OR3A3: variants seen among roughly 807,000 people sequenced by gnomAD.
The protein encoded by OR3A3 is olfactory receptor 3A3.
For synonymous variants in OR3A3, 103 were observed against 163.9 expected, an observed-to-expected ratio of 0.63 and a Z score of 2.84; for missense variants, 275 against 391.4, an observed-to-expected ratio of 0.70 and a Z score of 2.51.
chr17:3,418,427 A>G (rs929931142), intron 2 of OR3A3, among the ~76,000 whole-genome samples: 17 of 152,166 alleles, frequency 1.1e-4, no homozygotes, highest in Non-Finnish European at 1.5e-4. Flanking sequence ...AACTGCTGAC[A>G]AGGCAGTTTT....
At chr17:3,423,941 A>G (rs995106590) in exon 3 of OR3A3, 2 of 132,208 alleles carry the variant, frequency 1.5e-5, no homozygotes, top group African/African-American at 5.7e-5. Context: ...GCGAAATGCC[A>G]TCTCAAAAAA....
intron 2 of OR3A3, among the ~76,000 whole-genome samples, chr17:3,417,350 T>A (rs1311053290): frequency 1.3e-5 from 2 of 152,168 alleles, no homozygotes; most frequent in African/African-American, 2.4e-5. Flanking sequence ...GTAAGACAAC[T>A]AAGGAAGTCA....
At chr17:3,416,105 C>T (rs1439941931) in intron 2 of OR3A3, among the ~76,000 whole-genome samples, 1 of 151,960 alleles carries the variant, frequency 6.6e-6, no homozygotes, top group Non-Finnish European at 1.5e-5. Flanking sequence ...AGCCACTGCA[C>T]CTGGCCTACT....
At chr17:3,420,486 G>A in intron 2 of OR3A3, 94 bp from the exon 3 acceptor site, 1 of 1,546,312 alleles carries the variant, frequency 6.5e-7, no homozygotes, top group Non-Finnish European at 8.7e-7. Context: ...GGATGGCCTG[G>A]GGACTCGCCA....
At chr17:3,422,824 A>G (rs952729067) in exon 3 of OR3A3, 2 of 152,440 alleles carry the variant, frequency 1.3e-5, no homozygotes, top group Admixed American at 1.3e-4. Context: ...TGAAGACAAG[A>G]TGTGAGAGTG....
At chr17:3,412,840 G>A (rs1255058988) in intron 2 of OR3A3, among the ~76,000 whole-genome samples, 1 of 152,154 alleles carries the variant, frequency 6.6e-6, no homozygotes, top group Non-Finnish European at 1.5e-5. Flanking sequence ...ACACAAAGGA[G>A]TCCCTGCCAC....
At chr17:3,415,557 A>G (rs1408087261) in intron 2 of OR3A3, among the ~76,000 whole-genome samples, 75 of 122,646 alleles carry the variant, frequency 6.1e-4, no homozygotes, top group African/African-American at 2.0e-3. Flanking sequence ...GCGAAACTCC[A>G]ACTCAAAAAA....
At position 3,420,675 on chromosome 17, in the gene OR3A3, CTT is replaced by C. The variant is rs2072425856; in HGVS notation, c.92_93del (p.Phe31CysfsTer67). 3 of 1,538,814 alleles carry C rather than the reference CTT, an allele frequency of 1.9e-6. No individual in the cohort carries two copies. Among genetic ancestry groups the C allele is most frequent in the Middle Eastern group, 3.5e-4 (2 of 5,730 alleles). On this transcript the variant is annotated frameshift_variant, in exon 3 of 3. Coordinates refer to ENST00000641141, the Ensembl canonical transcript of OR3A3. LOFTEE classifies it low-confidence loss of function (END_TRUNC). Reference sequence around the variant, plus strand: ...AAACAGAAGAGATGCAGCCAGTTGTCTTTGTGCTCCTCCTCTTTGCCTATCTG... The same window carrying C: ...AAACAGAAGAGATGCAGCCAGTTGTCTGTGCTCCTCCTCTTTGCCTATCTG...
In OR3A3 at chr17:3,416,956, C is replaced by G. The variant is rs188249929; in HGVS notation, c.-6-3624C>G. Among the ~76,000 whole-genome samples the G allele has an allele frequency of 7.0e-4, 106 of 152,054 alleles. 4 individuals are homozygous for G. The East Asian group carries it at 0.019, about 27-fold the overall frequency. On this transcript the variant is annotated intron_variant, in intron 2 of 2. Coordinates refer to ENST00000641141, the Ensembl canonical transcript of OR3A3. ...TAACTGTATTTTTGTACCCATTAAC[C>G]AATTTATCTTTATCACTCCTTCCCC... is the stretch of plus-strand genomic sequence containing the variant.
intron 2 of OR3A3, among the ~76,000 whole-genome samples, chr17:3,416,762 A>T (rs1003124275): frequency 6.6e-6 from 1 of 152,096 alleles, no homozygotes; most frequent in East Asian, 1.9e-4. Context: ...TATATATATA[A>T]AACAATGTGT....
chr17:3,420,368 G>C (rs188142737), intron 2 of OR3A3, among the ~76,000 whole-genome samples: 39 of 152,264 alleles, frequency 2.6e-4, no homozygotes, highest in Middle Eastern at 3.4e-3. Flanking sequence ...ATTTTCCCAA[G>C]TATTCTGACC....
exon 3 of OR3A3, chr17:3,421,060 G>T: frequency 6.2e-7 from 1 of 1,614,118 alleles, no homozygotes; most frequent in South Asian, 1.1e-5. Context: ...CTTCACCAAC[G>T]CACTGACCCA....
chr17:3,414,490 C>A (rs2072379651), intron 2 of OR3A3, among the ~76,000 whole-genome samples: 1 of 152,064 alleles, frequency 6.6e-6, no homozygotes, highest in African/African-American at 2.4e-5. Flanking sequence ...AACATCTTTA[C>A]AAAGAAAGAA....
At chr17:3,423,141 C>A (rs137928528) in exon 3 of OR3A3, 1 of 152,334 alleles carries the variant, frequency 6.6e-6, no homozygotes, top group Admixed American at 6.5e-5. Flanking sequence ...AAGTTCCTTA[C>A]CATGGTTGGG....
intron 2 of OR3A3, among the ~76,000 whole-genome samples, chr17:3,415,422 G>T (rs966409651): frequency 4.6e-5 from 7 of 151,536 alleles, no homozygotes; most frequent in African/African-American, 1.7e-4. Context: ...TTAGCCAGAC[G>T]TGGTGGCGGG....
At chr17:3,419,802 C>T (rs976647496) in intron 2 of OR3A3, among the ~76,000 whole-genome samples, 2 of 144,188 alleles carry the variant, frequency 1.4e-5, no homozygotes, top group South Asian at 2.2e-4. Context: ...GGCGCGATCT[C>T]GGCTCACTGC....
At position 3,411,423 on chromosome 17, in the gene OR3A3, CTG is replaced by C. The variant is rs1456705508; in HGVS notation, c.-261_-260del. On this transcript the variant is annotated 5_prime_UTR_variant, in exon 1 of 3. The change abolishes the stop of an existing upstream ORF in the 5' untranslated region. Coordinates refer to ENST00000641141, the Ensembl canonical transcript of OR3A3. ...TCTGCTCAAATGCCCTGGTTGATAT[CTG>C]AGAAAGAAGAGGCAGGCGGATCATG... 2.6e-5 allele frequency: 4 copies of C among 152,532 alleles called. No homozygotes were observed. The highest frequency in any genetic ancestry group is 9.6e-5 in the African/African-American group (4 of 41,464). The allele number at this position is 152,532 out of a possible 1,614,324, so 9.4% of individuals were successfully genotyped here.
chr17:3,420,051 G>A (rs1016350229), intron 2 of OR3A3, among the ~76,000 whole-genome samples: 7 of 152,284 alleles, frequency 4.6e-5, no homozygotes, highest in Non-Finnish European at 1.0e-4. Context: ...ACAGGCATGA[G>A]CCACTGCGCC....
exon 3 of OR3A3, chr17:3,421,286 C>T: frequency 6.2e-7 from 1 of 1,614,208 alleles, no homozygotes; most frequent in Non-Finnish European, 8.5e-7. Flanking sequence ...ATCCGCTCTG[C>T]TGAGGGCAGA....
Sources: gnomAD v4.1 joint callset for allele counts (sites outside exome capture counted in the v4.1 genomes callset) on GRCh38, gnomAD v4.1.1 for gene constraint, MANE v1.5 for transcripts, NCBI Gene and HGNC (gene_info 2026-07-23, HGNC 2026-07-21) for gene names.